The following CADM2 variants were observed in gnomAD, a reference collection of about 807,000 sequenced individuals.
CADM2 encodes the protein cell adhesion molecule 2, also known as immunoglobulin superfamily member 4D.
In CADM2, 12 loss-of-function variants were observed where a neutral mutation model predicts 49.8. The ratio of observed to expected loss-of-function variants is 0.24; its 90% confidence interval spans 0.15 to 0.39. The LOEUF (loss-of-function observed/expected upper bound fraction) is 0.39. Ranked by LOEUF, CADM2 falls within the 10% of genes least tolerant of loss-of-function variation. The pLI, the probability that CADM2 is intolerant of heterozygous loss-of-function variation, is 1.00. For missense variants in CADM2, 378 were observed against 492.3 expected (o/e 0.77, Z 2.20); for synonymous variants, 214 against 175.4 (o/e 1.22, Z -1.74).
chr3:85,506,235 T>A lies in CADM2; in HGVS notation c.62-220287T>A, dbSNP rs557016848. Among the ~76,000 whole-genome samples the A allele has an allele frequency of 1.5e-4, 23 of 152,330 alleles. No homozygotes were observed. In the South Asian group the frequency reaches 4.3e-3, roughly 29 times the overall value. On this transcript the variant is annotated intron_variant, in intron 1 of 9. Coordinates refer to ENST00000383699, the MANE Select transcript of CADM2 (RefSeq NM_001167675.2). ...GTAGATTTGGACTTCAGTGTTCTTT[T>A]TCACTTTGTGTTGTTTGTTTTGTTC...
intron 1 of CADM2, among the ~76,000 whole-genome samples, chr3:85,572,436 G>A (rs533099359): frequency 2.6e-5 from 4 of 152,122 alleles, no homozygotes; most frequent in African/African-American, 4.8e-5. Flanking sequence ...CCAGAAAGAA[G>A]CAATAAGATG....
chr3:85,105,166 A>T (rs371757775), intron 1 of CADM2, among the ~76,000 whole-genome samples: 6 of 152,036 alleles, frequency 3.9e-5, no homozygotes, highest in Non-Finnish European at 2.9e-5. Flanking sequence ...GCAACCTACA[A>T]AATGGGAGAA....
At chr3:85,563,400 T>G (rs4856591) in intron 1 of CADM2, among the ~76,000 whole-genome samples, 78,132 of 141,986 alleles carry the variant, frequency 0.55, 22,908 homozygotes, top group East Asian at 0.89. Context: ...CAGGGAATTT[T>G]TGTGTGTGTG....
At chr3:85,932,222 G>A (rs984837428) in intron 6 of CADM2, among the ~76,000 whole-genome samples, 7 of 152,008 alleles carry the variant, frequency 4.6e-5, no homozygotes, top group African/African-American at 1.2e-4. Flanking sequence ...ACGAGGTATC[G>A]GGTGTATGTC....
At chr3:86,010,396 A>G (rs1305005294) in intron 8 of CADM2, among the ~76,000 whole-genome samples, 1 of 151,820 alleles carries the variant, frequency 6.6e-6, no homozygotes, top group Non-Finnish European at 1.5e-5. Flanking sequence ...AAGAAAATGT[A>G]AAAGAGTTAT....
intron 7 of CADM2, among the ~76,000 whole-genome samples, chr3:85,958,550 A>G (rs763359973): frequency 1.1e-4 from 16 of 152,142 alleles, no homozygotes; most frequent in Non-Finnish European, 2.2e-4. Flanking sequence ...ATTATTGGGT[A>G]TATACCCAAA....
At chr3:85,812,760 T>C (rs2072958391) in intron 3 of CADM2, among the ~76,000 whole-genome samples, 1 of 152,126 alleles carries the variant, frequency 6.6e-6, no homozygotes, top group Non-Finnish European at 1.5e-5. Flanking sequence ...CCATGTGTTC[T>C]CCTTGTTCAA....
rs1011399115 is a variant in CADM2 at position 84,993,605 on chromosome 3, C to T, written c.61+33937C>T. On this transcript the variant is annotated intron_variant, in intron 1 of 9. Coordinates refer to ENST00000383699, the MANE Select transcript of CADM2 (RefSeq NM_001167675.2). ...AAGTCAAAAGGGTTTGTTTTTTCCACGGAAAACACCCTGACTATAGCTTCC... is the reference window on the plus strand; with the variant it reads ...AAGTCAAAAGGGTTTGTTTTTTCCATGGAAAACACCCTGACTATAGCTTCC... 3.3e-5 allele frequency among the ~76,000 whole-genome samples: 5 copies of T among 152,200 alleles called. No homozygotes were observed. In the South Asian group the frequency reaches 6.2e-4, roughly 19 times the overall value.
At chr3:85,792,880 C>G (rs1048468403) in intron 2 of CADM2, among the ~76,000 whole-genome samples, 4 of 152,176 alleles carry the variant, frequency 2.6e-5, no homozygotes, top group Non-Finnish European at 4.4e-5. Flanking sequence ...AAGGTTACAT[C>G]ATAGCCTATC....
intron 1 of CADM2, among the ~76,000 whole-genome samples, chr3:85,321,601 G>A (rs1391889408): frequency 3.3e-5 from 5 of 151,930 alleles, no homozygotes; most frequent in Non-Finnish European, 7.4e-5. Context: ...TTCATGTTTT[G>A]CTAAAAATAT....
intron 1 of CADM2, among the ~76,000 whole-genome samples, chr3:84,982,720 TATATATATATA>T (rs1362672421): frequency 5.8e-5 from 8 of 138,440 alleles, no homozygotes; most frequent in African/African-American, 2.1e-4. Flanking sequence ...TATATATATA[TATATATATATA>T]TATACATTTT....
At chr3:85,072,725 T>C (rs188072529) in intron 1 of CADM2, among the ~76,000 whole-genome samples, 351 of 152,122 alleles carry the variant, frequency 2.3e-3, no homozygotes, top group African/African-American at 8.2e-3. Flanking sequence ...AAGGAAAAAA[T>C]TTGAATTTAG....
chr3:85,517,857 T>G (rs1047061887), intron 1 of CADM2, among the ~76,000 whole-genome samples: 2 of 152,172 alleles, frequency 1.3e-5, no homozygotes, highest in African/African-American at 4.8e-5. Context: ...AACACTGATT[T>G]AAGTTATTTA....
intron 1 of CADM2, among the ~76,000 whole-genome samples, chr3:85,501,818 A>G (rs564485965): frequency 2.0e-3 from 297 of 152,214 alleles, no homozygotes; most frequent in African/African-American, 7.0e-3. Context: ...TAATCAGTTA[A>G]TGTATAAAAT....
chr3:85,582,172 C>T (rs1251153127), intron 1 of CADM2, among the ~76,000 whole-genome samples: 2 of 152,092 alleles, frequency 1.3e-5, no homozygotes, highest in Admixed American at 1.3e-4. Context: ...GATCCGCCTG[C>T]CTCAGCCTCC....
intron 1 of CADM2, among the ~76,000 whole-genome samples, chr3:85,432,095 G>C (rs1196760228): frequency 6.6e-6 from 1 of 150,534 alleles, no homozygotes; most frequent in African/African-American, 2.5e-5. Flanking sequence ...AAACAAAAGA[G>C]ATTGAAAAAA....
intron 1 of CADM2, among the ~76,000 whole-genome samples, chr3:85,495,138 A>G (rs1327920466): frequency 1.3e-5 from 2 of 152,172 alleles, no homozygotes; most frequent in East Asian, 3.9e-4. Context: ...ATAGTTTTTA[A>G]TTATAATTCC....
At chr3:85,537,382 C>G (rs2061445041) in intron 1 of CADM2, among the ~76,000 whole-genome samples, 1 of 151,790 alleles carries the variant, frequency 6.6e-6, no homozygotes, top group East Asian at 1.9e-4. Context: ...TTCTAGTACC[C>G]AATGTAATTC....
intron 1 of CADM2, among the ~76,000 whole-genome samples, chr3:85,679,194 G>A (rs1218093413): frequency 6.6e-6 from 1 of 152,092 alleles, no homozygotes; most frequent in Non-Finnish European, 1.5e-5. Flanking sequence ...GATCAATTTA[G>A]ACTCTGATAG....
Sources: gnomAD v4.1 joint callset for allele counts (sites outside exome capture counted in the v4.1 genomes callset) on GRCh38, gnomAD v4.1.1 for gene constraint, MANE v1.5 for transcripts, NCBI Gene and HGNC (gene_info 2026-07-23, HGNC 2026-07-21) for gene names.